DGKB: variants seen among roughly 807,000 people sequenced by gnomAD.
The protein encoded by DGKB is diacylglycerol kinase beta.
Under a neutral mutation model 114.3 loss-of-function variants are expected in DGKB, and 67 were observed. That is an observed-to-expected ratio of 0.59 (90% CI 0.48 to 0.72). The LOEUF is 0.72. DGKB is among the 30% of genes least tolerant of loss of function. DGKB has a pLI of 0.00. For synonymous variants in DGKB, 398 were observed against 323.1 expected, an observed-to-expected ratio of 1.23 and a Z score of -2.49; for missense variants, 907 against 975.2, an observed-to-expected ratio of 0.93 and a Z score of 0.93.
intron 21 of DGKB, among the ~76,000 whole-genome samples, chr7:14,423,736 T>C (rs866256773): frequency 2.0e-5 from 3 of 152,104 alleles, no homozygotes; most frequent in African/African-American, 4.8e-5. Context: ...ATTAAAATCA[T>C]TGACACACAT....
intron 2 of DGKB, among the ~76,000 whole-genome samples, chr7:14,839,886 C>T (rs966431657): frequency 6.6e-6 from 1 of 151,862 alleles, no homozygotes; most frequent in African/African-American, 2.4e-5. Flanking sequence ...TTACAAATAC[C>T]CAGCAGCATT....
chr7:14,706,992 C>A (rs913608664), intron 6 of DGKB, among the ~76,000 whole-genome samples: 2 of 149,992 alleles, frequency 1.3e-5, no homozygotes, highest in Non-Finnish European at 3.0e-5. Flanking sequence ...GAAATAGAGA[C>A]ACAAAAAACC....
At chr7:14,679,164 G>A (rs1820402547) in intron 12 of DGKB, among the ~76,000 whole-genome samples, 1 of 135,996 alleles carries the variant, frequency 7.4e-6, no homozygotes, top group African/African-American at 2.9e-5. Context: ...TGACGTAAGT[G>A]TTCTTCATGG....
chr7:14,426,358 C>T (rs1044277800), intron 21 of DGKB, among the ~76,000 whole-genome samples: 3 of 152,090 alleles, frequency 2.0e-5, no homozygotes, highest in African/African-American at 7.2e-5. Flanking sequence ...AGAATCAAAC[C>T]CTTAAGCTTT....
In DGKB at chr7:14,914,092, G is replaced by C. The variant is rs981907287; in HGVS notation, c.-188+60604C>G. Among the ~76,000 whole-genome samples the C allele has an allele frequency of 1.2e-4, 19 of 152,130 alleles. 1 individual carries two copies. Among genetic ancestry groups the C allele is most frequent in the Admixed American group, 1.0e-3 (16 of 15,264 alleles). On this transcript the variant is annotated intron_variant, in intron 1 of 4. Transcript: ENST00000437998. Reference sequence around the variant, plus strand: ...AAAGTAATTGTTTTAAAATATCACAGGGGAAATTAATGATTTTGAAATAAG... The same window carrying C: ...AAAGTAATTGTTTTAAAATATCACACGGGAAATTAATGATTTTGAAATAAG...
In DGKB at chr7:14,942,288, G is replaced by C. The variant is rs1309896305; in HGVS notation, c.-188+32408C>G. 5.9e-5 allele frequency among the ~76,000 whole-genome samples: 9 copies of C among 151,982 alleles called. No individual in the cohort carries two copies. The East Asian group carries it at 1.7e-3, about 29-fold the overall frequency. ...ATCCCTTTTCAAAAGAAAAAGAGGG[G>C]CGAGAAAGGCATGCATTATAATTTA... On this transcript the variant is annotated intron_variant, in intron 1 of 4. Coordinates refer to the DGKB transcript ENST00000437998.
upstream of DGKB, among the ~76,000 whole-genome samples, chr7:14,907,707 C>T (rs567935264): frequency 6.6e-6 from 1 of 152,138 alleles, no homozygotes; most frequent in Non-Finnish European, 1.5e-5. Context: ...ATGGTGATGG[C>T]AGAATCTGAA....
chr7:14,192,069 G>A (rs1443248753), intron 23 of DGKB: 2 of 437,188 alleles, frequency 4.6e-6, no homozygotes, highest in East Asian at 6.7e-5. Flanking sequence ...CGCTGTGGGT[G>A]TCATCAAAGC....
chr7:14,560,609 G>A (rs771050832), intron 20 of DGKB, among the ~76,000 whole-genome samples: 10 of 152,082 alleles, frequency 6.6e-5, no homozygotes, highest in Non-Finnish European at 1.5e-4. Flanking sequence ...ATTCATCTGT[G>A]GTTGAGCAGT....
chr7:14,846,059 C>T (rs1250346759), intron 1 of DGKB, among the ~76,000 whole-genome samples: 2 of 152,164 alleles, frequency 1.3e-5, no homozygotes, highest in African/African-American at 2.4e-5. Context: ...CACCACTTAA[C>T]TTTCTTTGAT....
chr7:14,535,493 T>C (rs1232098438), intron 20 of DGKB, among the ~76,000 whole-genome samples: 1 of 152,134 alleles, frequency 6.6e-6, no homozygotes, highest in African/African-American at 2.4e-5. Context: ...AAAGCCATAG[T>C]TAGCAGAAGA....
intron 22 of DGKB, among the ~76,000 whole-genome samples, chr7:14,342,512 A>G (rs1158123701): frequency 6.6e-6 from 1 of 151,986 alleles, no homozygotes; most frequent in Non-Finnish European, 1.5e-5. Context: ...TAGAAGATAA[A>G]TGAATATCTT....
At chr7:14,827,967 G>A (rs541030640) in intron 2 of DGKB, among the ~76,000 whole-genome samples, 1 of 152,168 alleles carries the variant, frequency 6.6e-6, no homozygotes, top group South Asian at 2.1e-4. Context: ...GCTTCAAGGT[G>A]GCTTATGGAG....
intron 1 of DGKB, among the ~76,000 whole-genome samples, chr7:14,842,646 G>A (rs1311959397): frequency 5.3e-5 from 8 of 152,120 alleles, no homozygotes; most frequent in Admixed American, 5.2e-4. Context: ...CATCCTAACT[G>A]TCTGTCTCTC....
intron 25 of DGKB, among the ~76,000 whole-genome samples, chr7:14,168,788 C>G (rs1304564492): frequency 6.6e-6 from 1 of 152,148 alleles, no homozygotes; most frequent in Non-Finnish European, 1.5e-5. Context: ...AACAGAGTCA[C>G]AGGAGTACAA....
intron 23 of DGKB, among the ~76,000 whole-genome samples, chr7:14,289,356 A>C (rs1299968299): frequency 6.6e-6 from 1 of 152,198 alleles, no homozygotes; most frequent in Non-Finnish European, 1.5e-5. Context: ...AAAATGCTTA[A>C]AACCTAAAGC....
intron 21 of DGKB, among the ~76,000 whole-genome samples, chr7:14,351,804 G>C (rs887894970): frequency 2.6e-5 from 4 of 152,096 alleles, no homozygotes; most frequent in Non-Finnish European, 5.9e-5. Flanking sequence ...ACACATTAGT[G>C]GTGGAAGTGA....
At chr7:14,521,032 CT>C (rs1789683698) in intron 20 of DGKB, among the ~76,000 whole-genome samples, 1 of 151,992 alleles carries the variant, frequency 6.6e-6, no homozygotes. Flanking sequence ...ATTCCACTAT[CT>C]TTTGGCCTTT....
intron 21 of DGKB, among the ~76,000 whole-genome samples, chr7:14,358,999 T>A (rs1815160315): frequency 6.6e-6 from 1 of 151,806 alleles, no homozygotes; most frequent in Non-Finnish European, 1.5e-5. Context: ...AGACAATCCA[T>A]CCTAAGCAAA....
Sources: gnomAD v4.1 joint callset for allele counts (sites outside exome capture counted in the v4.1 genomes callset) on GRCh38, gnomAD v4.1.1 for gene constraint, MANE v1.5 for transcripts, NCBI Gene and HGNC (gene_info 2026-07-23, HGNC 2026-07-21) for gene names.